Variants in NAV2 observed in about 807,000 individuals in gnomAD.
The protein encoded by NAV2 is helicase, APC down-regulated 1.
NAV2 carries 54 observed loss-of-function variants against 223.2 expected under a neutral mutation model. The observed-to-expected ratio is 0.24, with a 90% CI of 0.19 to 0.30. The LOEUF (loss-of-function observed/expected upper bound fraction) is 0.30. Ranked by LOEUF, NAV2 falls within the 10% of genes least tolerant of loss-of-function variation. The pLI is 1.00. For synonymous variants in NAV2, 1,279 were observed against 1,239.3 expected (o/e 1.03, Z -0.67); for missense variants, 2,806 against 3,147.5 (o/e 0.89, Z 2.60).
intron 3 of NAV2, among the ~76,000 whole-genome samples, chr11:19,859,140 T>C (rs1318805840): frequency 1.3e-5 from 1 of 79,456 alleles, no homozygotes; most frequent in African/African-American, 4.7e-5. Context: ...ATATTCTCTT[T>C]TTTTTTTTTT....
At chr11:19,875,258 T>C (rs1432031617) in intron 4 of NAV2, among the ~76,000 whole-genome samples, 1 of 152,198 alleles carries the variant, frequency 6.6e-6, no homozygotes. Flanking sequence ...AATAAATGCA[T>C]TTAATACATC....
At chr11:19,854,793 A>G (rs186241746) in intron 3 of NAV2, among the ~76,000 whole-genome samples, 20 of 152,328 alleles carry the variant, frequency 1.3e-4, no homozygotes, top group African/African-American at 4.8e-4. Flanking sequence ...TATCTTCCCT[A>G]AGAAACTTAC....
At chr11:19,642,228 C>T (rs1370878991) in intron 1 of NAV2, among the ~76,000 whole-genome samples, 3 of 152,152 alleles carry the variant, frequency 2.0e-5, no homozygotes, top group African/African-American at 7.2e-5. Flanking sequence ...CCCAGCCAGC[C>T]CCACCCAGGC....
At chr11:19,842,962 A>G (rs1254897832) in intron 3 of NAV2, 39 bp downstream of exon 3, 2 of 1,566,778 alleles carry the variant, frequency 1.3e-6, no homozygotes, top group East Asian at 4.5e-5. Context: ...GAGTTCTGTC[A>G]GCAAGCCCTG....
chr11:19,755,015 G>T (rs753172111), intron 1 of NAV2, among the ~76,000 whole-genome samples: 9 of 152,138 alleles, frequency 5.9e-5, no homozygotes, highest in Non-Finnish European at 1.0e-4. Flanking sequence ...GCAAACTACA[G>T]ATCCATTGTG....
chr11:19,643,063 GGGT>G (rs930557810), intron 1 of NAV2, among the ~76,000 whole-genome samples: 171 of 152,252 alleles, frequency 1.1e-3, no homozygotes, highest in African/African-American at 3.7e-3. Context: ...GTGTGGGGTT[GGGT>G]GTATGCATAC....
chr11:19,756,515 T>G (rs2054245797), intron 1 of NAV2, among the ~76,000 whole-genome samples: 1 of 152,214 alleles, frequency 6.6e-6, no homozygotes, highest in Non-Finnish European at 1.5e-5. Context: ...AGAGTCAACC[T>G]GAAACCCCCA....
At chr11:19,419,975 A>C (rs4515943) in intron 1 of NAV2, among the ~76,000 whole-genome samples, 104,790 of 152,034 alleles carry the variant, frequency 0.69, 36,203 homozygotes, top group Admixed American at 0.72. Flanking sequence ...TGTAAATAGC[A>C]GTGGCAGTTC....
intron 1 of NAV2, among the ~76,000 whole-genome samples, chr11:19,421,926 A>G (rs1021269930): frequency 2.0e-5 from 3 of 152,132 alleles, no homozygotes; most frequent in African/African-American, 4.8e-5. Context: ...CTGACTCCTC[A>G]TTTTCTTGCT....
chr11:19,884,936 T>C (rs2063438375), intron 5 of NAV2, among the ~76,000 whole-genome samples: 1 of 152,156 alleles, frequency 6.6e-6, no homozygotes, highest in Non-Finnish European at 1.5e-5. Context: ...TTAGGTGCCA[T>C]GGAGACCGCC....
At chr11:19,975,325 C>T (rs578085111) in intron 10 of NAV2, among the ~76,000 whole-genome samples, 26 of 152,304 alleles carry the variant, frequency 1.7e-4, no homozygotes, top group African/African-American at 6.3e-4. Context: ...TAAAATTTTA[C>T]ATATCTCTAT....
At chr11:19,881,896 G>T (rs1367438237) in intron 5 of NAV2, among the ~76,000 whole-genome samples, 1 of 152,156 alleles carries the variant, frequency 6.6e-6, no homozygotes, top group African/African-American at 2.4e-5. Context: ...GGTTATTATA[G>T]CTTAGTAGGG....
At chr11:19,704,265 T>C (rs1022108700) in intron 1 of NAV2, among the ~76,000 whole-genome samples, 6 of 152,156 alleles carry the variant, frequency 3.9e-5, no homozygotes, top group African/African-American at 1.4e-4. Flanking sequence ...TTCCACTCAT[T>C]TCCTCAACTT....
chr11:19,458,145 C>G (rs1308530171), intron 1 of NAV2, among the ~76,000 whole-genome samples: 1 of 152,224 alleles, frequency 6.6e-6, no homozygotes, highest in East Asian at 1.9e-4. Context: ...AAATGGCAGT[C>G]TCACTGGCGG....
intron 4 of NAV2, among the ~76,000 whole-genome samples, chr11:19,875,389 T>G (rs943528452): frequency 6.6e-6 from 1 of 152,230 alleles, no homozygotes; most frequent in Non-Finnish European, 1.5e-5. Flanking sequence ...AGGTGTTGAA[T>G]ATTATATGTA....
At position 19,715,103 on chromosome 11, in the gene NAV2, G is replaced by A. The variant is rs537892852; in HGVS notation, c.267+1141G>A. Among the ~76,000 whole-genome samples, 12 of 152,264 alleles carry A rather than the reference G, an allele frequency of 7.9e-5. No individual in the cohort carries two copies. In the South Asian group the frequency reaches 1.9e-3, roughly 24 times the overall value. ...CTGATCAGAGGCTAGAGCTCAACACGTTCCTAGGCTTTCTGATGCGGGAAC... is the reference window on the plus strand; with the variant it reads ...CTGATCAGAGGCTAGAGCTCAACACATTCCTAGGCTTTCTGATGCGGGAAC... On this transcript the variant is annotated intron_variant, in intron 1 of 37. Transcript: ENST00000349880.
At chr11:19,809,388 G>T (rs2058742044) in intron 1 of NAV2, among the ~76,000 whole-genome samples, 1 of 152,152 alleles carries the variant, frequency 6.6e-6, no homozygotes, top group Admixed American at 6.5e-5. Context: ...TTCAAACCTG[G>T]TTGCACACCA....
chr11:19,511,931 CCAAAGACTGCTTGCCAAATAAGAA>C (rs2043292193), intron 1 of NAV2, among the ~76,000 whole-genome samples: 1 of 152,202 alleles, frequency 6.6e-6, no homozygotes, highest in South Asian at 2.1e-4. Context: ...AAACGCCTGT[CCAAAGACTGCTTGCCAAATAAGAA>C]TGGACATAGC....
At chr11:19,408,433 T>C (rs928761321) in intron 1 of NAV2, among the ~76,000 whole-genome samples, 1 of 152,216 alleles carries the variant, frequency 6.6e-6, no homozygotes, top group Non-Finnish European at 1.5e-5. Context: ...GCTAGAAATA[T>C]TGTATGTGGT....
Sources: allele counts gnomAD v4.1 joint callset (sites outside exome capture counted in the v4.1 genomes callset), GRCh38; gene constraint gnomAD v4.1.1; transcripts MANE v1.5; gene names NCBI Gene and HGNC (gene_info 2026-07-23, HGNC 2026-07-21).